Variants in ERC2 observed in about 807,000 individuals in gnomAD.
ERC2 encodes the protein ERC protein 2.
Under a neutral mutation model 114.8 loss-of-function variants are expected in ERC2, and 42 were observed. That is an observed-to-expected ratio of 0.37 (90% CI 0.29 to 0.47). The LOEUF is 0.47. Among genes scored for constraint, ERC2 ranks in the 20% least tolerant of loss-of-function variants. The pLI is 0.99. For missense variants in ERC2, 939 were observed against 1,150.7 expected (o/e 0.82, Z 2.66); for synonymous variants, 454 against 425.5 (o/e 1.07, Z -0.82).
chr3:55,663,823 C>G (rs1307154404), intron 17 of ERC2, among the ~76,000 whole-genome samples: 1 of 152,068 alleles, frequency 6.6e-6, no homozygotes, highest in African/African-American at 2.4e-5. Flanking sequence ...CCACACTGTC[C>G]CCCAGGACTC....
intron 17 of ERC2, among the ~76,000 whole-genome samples, chr3:55,528,001 G>T (rs1462574349): frequency 6.6e-6 from 1 of 152,088 alleles, no homozygotes; most frequent in East Asian, 1.9e-4. Flanking sequence ...AATAAAGATA[G>T]TAACACCCCA....
In ERC2 at chr3:55,719,997, C is replaced by T. The variant is rs562991614; in HGVS notation, c.2712+14774G>A. Among the ~76,000 whole-genome samples the T allele has an allele frequency of 8.0e-4, 27 of 33,704 alleles. No individual in the cohort carries two copies. The South Asian group carries it at 0.05, about 62-fold the overall frequency. 22.1% of individuals were successfully genotyped at this position (33,704 alleles called of 152,430 possible). ...CTCCCTCTCTCCCTCCCTCTCTCTCCTCCCTTCTTTCCCTCCCTCCCTCCT... is the reference window on the plus strand; with the variant it reads ...CTCCCTCTCTCCCTCCCTCTCTCTCTTCCCTTCTTTCCCTCCCTCCCTCCT... On this transcript the variant is annotated intron_variant, in intron 15 of 17. Coordinates refer to ENST00000288221, the MANE Select transcript of ERC2 (RefSeq NM_015576.3).
At chr3:56,304,182 A>C (rs1005607333) in intron 2 of ERC2, among the ~76,000 whole-genome samples, 1 of 152,182 alleles carries the variant, frequency 6.6e-6, no homozygotes, top group African/African-American at 2.4e-5. Flanking sequence ...AAAAAGAGAA[A>C]ACTAGTGAAC....
chr3:56,222,628 T>C (rs1171634537), intron 3 of ERC2, among the ~76,000 whole-genome samples: 1 of 152,156 alleles, frequency 6.6e-6, no homozygotes, highest in Non-Finnish European at 1.5e-5. Context: ...TTGGCTCCCC[T>C]AGAATGGAAG....
At chr3:56,100,455 C>T (rs1048250752) in intron 6 of ERC2, among the ~76,000 whole-genome samples, 1 of 152,076 alleles carries the variant, frequency 6.6e-6, no homozygotes, top group African/African-American at 2.4e-5. Context: ...GCATCCTTGC[C>T]CTTGATAGCT....
At chr3:55,644,584 GAAA>G (rs1184242049) in intron 17 of ERC2, among the ~76,000 whole-genome samples, 1 of 152,096 alleles carries the variant, frequency 6.6e-6, no homozygotes, top group African/African-American at 2.4e-5. Flanking sequence ...AAAAAAGGCT[GAAA>G]ATATATAAAG....
chr3:56,127,647 C>G (rs2079952684), intron 6 of ERC2, among the ~76,000 whole-genome samples: 1 of 151,548 alleles, frequency 6.6e-6, no homozygotes, highest in Non-Finnish European at 1.5e-5. Context: ...TGCTTGAACC[C>G]AGGAGGCAGA....
chr3:55,687,917 G>A (rs558540916), intron 16 of ERC2, among the ~76,000 whole-genome samples: 1 of 152,316 alleles, frequency 6.6e-6, no homozygotes, highest in South Asian at 2.1e-4. Flanking sequence ...GTGGGGCACC[G>A]AGCCTCATCA....
chr3:55,524,570 A>G (rs975107509), intron 17 of ERC2, among the ~76,000 whole-genome samples: 4 of 143,232 alleles, frequency 2.8e-5, no homozygotes, highest in Non-Finnish European at 6.0e-5. Flanking sequence ...TGTGGCAGGT[A>G]CAAACCTGGA....
At chr3:55,869,748 G>C (rs191625560) in intron 14 of ERC2, among the ~76,000 whole-genome samples, 2 of 152,170 alleles carry the variant, frequency 1.3e-5, no homozygotes, top group African/African-American at 4.8e-5. Flanking sequence ...ACTAGGCAGG[G>C]ACCATGTCAC....
chr3:55,922,296 A>G (rs1279614344), intron 13 of ERC2, among the ~76,000 whole-genome samples: 1 of 152,080 alleles, frequency 6.6e-6, no homozygotes, highest in East Asian at 1.9e-4. Flanking sequence ...AAAACATCAT[A>G]AAGATAGTAA....
Position 55,580,170 on chromosome 3 carries a change from TG to T in ERC2, c.*40-68895del, listed in dbSNP as rs372601142. 2.1e-3 allele frequency among the ~76,000 whole-genome samples: 317 copies of T among 152,150 alleles called. 1 individual carries two copies. The highest frequency in any genetic ancestry group is 6.8e-3 in the Middle Eastern group (2 of 294). On this transcript the variant is annotated intron_variant, in intron 17 of 17. Transcript: ENST00000288221. ...TTAAGAAGTGGCAAAAACACCAAAG[TG>T]GGTTTTGCCACCATTGCCAAAACTG...
At chr3:55,651,092 C>T (rs897299113) in intron 17 of ERC2, among the ~76,000 whole-genome samples, 3 of 148,890 alleles carry the variant, frequency 2.0e-5, no homozygotes, top group African/African-American at 5.0e-5. Context: ...AATTCCTGAC[C>T]TCATGTGATC....
At chr3:55,597,415 AACTC>A (rs1419446780) in intron 17 of ERC2, among the ~76,000 whole-genome samples, 1 of 98,574 alleles carries the variant, frequency 1.0e-5, no homozygotes, top group Non-Finnish European at 2.5e-5. Flanking sequence ...GTGAGACTCC[AACTC>A]AAAAAAAAAA....
chr3:56,242,224 C>T (rs528196510), intron 3 of ERC2, among the ~76,000 whole-genome samples: 1 of 152,078 alleles, frequency 6.6e-6, no homozygotes, highest in South Asian at 2.1e-4. Context: ...GAATGGAAAA[C>T]CAAATACCAA....
intron 2 of ERC2, among the ~76,000 whole-genome samples, chr3:56,343,244 C>T (rs911616145): frequency 2.0e-5 from 3 of 149,636 alleles, no homozygotes; most frequent in South Asian, 2.1e-4. Context: ...TACACAAACA[C>T]ACACACACAC....
intron 17 of ERC2, among the ~76,000 whole-genome samples, chr3:55,574,861 C>G (rs747787190): frequency 5.3e-5 from 8 of 152,158 alleles, no homozygotes; most frequent in Non-Finnish European, 1.2e-4. Flanking sequence ...AATGGGCCCT[C>G]TGTTTTCCTA....
chr3:56,426,083 G>A (rs755280113), intron 2 of ERC2, among the ~76,000 whole-genome samples: 18 of 152,180 alleles, frequency 1.2e-4, no homozygotes, highest in Non-Finnish European at 2.5e-4. Flanking sequence ...CCTTTATCAG[G>A]AAAGAAAAAG....
intron 17 of ERC2, 36 bp from the exon 18 acceptor site, chr3:55,511,312 A>G (rs2052046037): frequency 6.6e-6 from 1 of 152,638 alleles, no homozygotes; most frequent in Non-Finnish European, 1.5e-5. Flanking sequence ...GCAGGGGAAG[A>G]AACTGGCAAC....
Sources: gnomAD v4.1 joint callset for allele counts (sites outside exome capture counted in the v4.1 genomes callset) on GRCh38, gnomAD v4.1.1 for gene constraint, MANE v1.5 for transcripts, NCBI Gene and HGNC (gene_info 2026-07-23, HGNC 2026-07-21) for gene names.